Variants in CSMD3 observed in about 807,000 individuals in gnomAD.
CSMD3 encodes CUB and Sushi multiple domains 3, also known as CUB and sushi domain-containing protein 3.
CSMD3 carries 177 observed loss-of-function variants against 435.2 expected under a neutral mutation model. The observed-to-expected ratio is 0.41, with a 90% CI of 0.36 to 0.46. The LOEUF is 0.46. Among genes scored for constraint, CSMD3 ranks in the 20% least tolerant of loss-of-function variants. CSMD3 has a pLI of 0.34. For missense variants in CSMD3, 4,265 were observed against 4,504.6 expected, an observed-to-expected ratio of 0.95 and a Z score of 1.52; for synonymous variants, 1,656 against 1,520.5, an observed-to-expected ratio of 1.09 and a Z score of -2.07.
chr8:113,239,872 T>G (rs2093193800), intron 3 of CSMD3, among the ~76,000 whole-genome samples: 1 of 152,282 alleles, frequency 6.6e-6, no homozygotes, highest in South Asian at 2.1e-4. Flanking sequence ...AAAAACCTTT[T>G]ATTTTAAATT....
intron 11 of CSMD3, among the ~76,000 whole-genome samples, chr8:112,847,894 A>G (rs2080372206): frequency 6.6e-6 from 1 of 152,176 alleles, no homozygotes; most frequent in African/African-American, 2.4e-5. Context: ...ATGGATCTAA[A>G]GAAAAAACAT....
intron 10 of CSMD3, among the ~76,000 whole-genome samples, chr8:112,914,545 G>T (rs1417511315): frequency 1.3e-5 from 2 of 151,338 alleles, no homozygotes; most frequent in Non-Finnish European, 2.9e-5. Context: ...TATGAGGAAA[G>T]GTCTGCCAAA....
chr8:113,365,338 C>A (rs2094304402), intron 1 of CSMD3, among the ~76,000 whole-genome samples: 1 of 151,918 alleles, frequency 6.6e-6, no homozygotes, highest in African/African-American at 2.4e-5. Context: ...ATAGCTATAT[C>A]TAAAATAATA....
At chr8:112,258,778 G>A (rs1372294821) in intron 61 of CSMD3, among the ~76,000 whole-genome samples, 2 of 152,106 alleles carry the variant, frequency 1.3e-5, no homozygotes, top group African/African-American at 2.4e-5. Context: ...AGTGGCTCAC[G>A]CCTGTAATCC....
intron 3 of CSMD3, among the ~76,000 whole-genome samples, chr8:113,238,531 G>C (rs958482972): frequency 2.0e-5 from 3 of 152,106 alleles, no homozygotes; most frequent in Non-Finnish European, 4.4e-5. Context: ...CAAAGCCTCT[G>C]TGGATCAAGT....
At chr8:112,543,476 T>C (rs1052502663) in intron 27 of CSMD3, among the ~76,000 whole-genome samples, 5 of 152,074 alleles carry the variant, frequency 3.3e-5, no homozygotes, top group African/African-American at 4.8e-5. Flanking sequence ...AACAGGTATA[T>C]AAAGAAATGG....
At chr8:112,840,523 T>G (rs185800702) in intron 11 of CSMD3, among the ~76,000 whole-genome samples, 2 of 151,642 alleles carry the variant, frequency 1.3e-5, no homozygotes, top group Non-Finnish European at 3.0e-5. Context: ...TATTCCAAGA[T>G]AGCTAGAAAA....
At chr8:112,782,598 A>G (rs967015610) in intron 13 of CSMD3, among the ~76,000 whole-genome samples, 1 of 152,150 alleles carries the variant, frequency 6.6e-6, no homozygotes, top group African/African-American at 2.4e-5. Context: ...AGAAGGTTAT[A>G]AAACATCAAG....
intron 10 of CSMD3, among the ~76,000 whole-genome samples, chr8:112,911,197 T>C (rs1267269790): frequency 1.3e-5 from 2 of 151,946 alleles, no homozygotes; most frequent in Non-Finnish European, 2.9e-5. Context: ...CAATTCTTAG[T>C]CTTGTCTCTC....
chr8:113,210,451 G>A (rs1316550394), intron 3 of CSMD3, among the ~76,000 whole-genome samples: 1 of 151,784 alleles, frequency 6.6e-6, no homozygotes, highest in African/African-American at 2.4e-5. Flanking sequence ...CATTAAATAC[G>A]AAAAATATCA....
rs11290654 is a variant in CSMD3 at position 112,345,864 on chromosome 8, T to TA, written c.6442+232dup. 1.8e-3 allele frequency among the ~76,000 whole-genome samples: 269 copies of TA among 148,402 alleles called. 1 individual carries two copies. The highest frequency in any genetic ancestry group is 3.6e-3 in the Middle Eastern group (1 of 280). The stretch of plus-strand genomic sequence containing the variant: ...TCAATTAAAAAATAATAAATCAGAG[T>TA]AAAAAAAAAATATGCCCATATACCT... On this transcript the variant is annotated intron_variant, in intron 41 of 70. Transcript: ENST00000297405.
At chr8:112,701,061 T>G (rs1030748881) in intron 13 of CSMD3, among the ~76,000 whole-genome samples, 5 of 152,084 alleles carry the variant, frequency 3.3e-5, no homozygotes, top group Non-Finnish European at 5.9e-5. Context: ...ATATAACTTT[T>G]CCCCCTCTTT....
chr8:113,064,839 G>C (rs1276008841), intron 5 of CSMD3, among the ~76,000 whole-genome samples: 2 of 152,064 alleles, frequency 1.3e-5, no homozygotes, highest in Non-Finnish European at 2.9e-5. Context: ...AAGCCATTCT[G>C]TCTCTGAAAA....
intron 31 of CSMD3, among the ~76,000 whole-genome samples, chr8:112,478,219 C>T (rs935030974): frequency 5.3e-5 from 8 of 152,156 alleles, no homozygotes; most frequent in East Asian, 3.9e-4. Context: ...AGTGTGAAAA[C>T]GGGCTAATAC....
chr8:112,537,516 C>A (rs962066668), intron 27 of CSMD3, among the ~76,000 whole-genome samples: 1 of 151,702 alleles, frequency 6.6e-6, no homozygotes, highest in Non-Finnish European at 1.5e-5. Context: ...AGAGAGAAGC[C>A]TCAGGTAAAA....
chr8:113,307,192 A>C (rs1259395700), intron 2 of CSMD3, among the ~76,000 whole-genome samples: 1 of 152,130 alleles, frequency 6.6e-6, no homozygotes, highest in Non-Finnish European at 1.5e-5. Flanking sequence ...TTTTCTGGAA[A>C]AAACTTAGTT....
At chr8:112,941,588 A>G (rs573328852) in intron 9 of CSMD3, among the ~76,000 whole-genome samples, 2 of 151,904 alleles carry the variant, frequency 1.3e-5, no homozygotes, top group African/African-American at 4.8e-5. Context: ...TTTTATCCCT[A>G]AAGTTTTCAT....
At chr8:112,457,961 T>C (rs982756854) in intron 32 of CSMD3, among the ~76,000 whole-genome samples, 3 of 152,026 alleles carry the variant, frequency 2.0e-5, no homozygotes, top group African/African-American at 2.4e-5. Flanking sequence ...GGAAGAAACA[T>C]AGAAAATGTC....
chr8:112,412,884 T>C (rs1811503128), intron 32 of CSMD3, among the ~76,000 whole-genome samples: 1 of 152,140 alleles, frequency 6.6e-6, no homozygotes, highest in African/African-American at 2.4e-5. Flanking sequence ...TGGCAGCTTT[T>C]CTTTATTCCA....
Sources: allele counts gnomAD v4.1 joint callset (sites outside exome capture counted in the v4.1 genomes callset), GRCh38; gene constraint gnomAD v4.1.1; transcripts MANE v1.5; gene names NCBI Gene and HGNC (gene_info 2026-07-23, HGNC 2026-07-21).